Variants in OPA1 observed in about 807,000 individuals in gnomAD.
OPA1 encodes the protein dynamin-like GTPase OPA1, mitochondrial.
A neutral mutation model predicts 152.9 loss-of-function variants in OPA1; 59 were observed. The observed-to-expected ratio is 0.39, with a 90% confidence interval of 0.31 to 0.48. The LOEUF is 0.48. Ranked by LOEUF, OPA1 falls within the 20% of genes least tolerant of loss-of-function variation. The pLI is 0.96. For missense variants in OPA1, 1,008 were observed against 1,216.8 expected, an observed-to-expected ratio of 0.83 and a Z score of 2.55; for synonymous variants, 400 against 389.9, an observed-to-expected ratio of 1.03 and a Z score of -0.31.
At chr3:193,593,476 C>A in intron 1 of OPA1, 67 bp downstream of exon 1, 1 of 1,413,120 alleles carries the variant, frequency 7.1e-7, no homozygotes, top group Non-Finnish European at 9.4e-7. Context: ...TGTCTTATCT[C>A]TATCTCCAAA....
chr3:193,684,591 C>T lies in OPA1; in HGVS notation c.2984-7472C>T, dbSNP rs188347322. 4.4e-3 allele frequency among the ~76,000 whole-genome samples: 674 copies of T among 151,578 alleles called. 4 individuals are homozygous for T. Among genetic ancestry groups the T allele is most frequent in the African/African-American group, 0.016 (647 of 41,414 alleles). ...TCAGCCTCCCAGGTAGCTGGGATTA[C>T]AGGCGCCCGCCACTACGCCCGGCTA... On this transcript the variant is annotated intron_variant, in intron 29 of 30. Transcript: ENST00000361510.
intron 30 of OPA1, among the ~76,000 whole-genome samples, chr3:193,693,967 G>C (rs1553798135): frequency 6.6e-6 from 1 of 152,106 alleles, no homozygotes; most frequent in Non-Finnish European, 1.5e-5. Flanking sequence ...CGGAAGCCCC[G>C]TTAAAAAGAC....
rs1728753452 is a variant in OPA1 at position 193,614,728 on chromosome 3, T to C, written c.38T>C (p.Val13Ala). Residue 13 changes from valine to alanine, a missense_variant, in exon 2 of 31, where the codon GTC (valine) becomes GCC (alanine). Transcript: ENST00000361510. ...RLRRAAVACE[V>A]CQSLVKHSSG... The stretch of plus-strand genomic sequence containing the variant: ...CATATTCATTTTTCTTTCAGTGAGG[T>C]CTGCCAGTCTTTAGTGAAACACAGC... 6.2e-7 allele frequency: 1 copy of C among 1,612,400 alleles called. No homozygotes were observed. Among genetic ancestry groups the C allele is most frequent in the African/African-American group, 1.3e-5 (1 of 74,858 alleles).
At chr3:193,681,922 C>T (rs772394780) in intron 29 of OPA1, among the ~76,000 whole-genome samples, 2 of 152,130 alleles carry the variant, frequency 1.3e-5, no homozygotes, top group Admixed American at 6.5e-5. Flanking sequence ...TGAAATTTGG[C>T]CAGCTAATAA....
intron 8 of OPA1, among the ~76,000 whole-genome samples, chr3:193,633,017 GTT>G (rs1000864286): frequency 2.0e-5 from 3 of 152,314 alleles, no homozygotes; most frequent in African/African-American, 7.2e-5. Flanking sequence ...TCAGTAGTAT[GTT>G]TTGAGTCACA....
chr3:193,593,932 C>T (rs1311596347), intron 1 of OPA1, among the ~76,000 whole-genome samples: 5 of 152,078 alleles, frequency 3.3e-5, no homozygotes, highest in African/African-American at 4.8e-5. Flanking sequence ...TGATAGAAGT[C>T]AGAACTAGAG....
Position 193,614,943 on chromosome 3 carries a change from C to G in OPA1, c.253C>G (p.Arg85Gly), listed in dbSNP as rs372435892. The G allele has an allele frequency of 2.5e-6, 4 of 1,613,868 alleles. No individual in the cohort carries two copies. Among genetic ancestry groups the G allele is most frequent in the Non-Finnish European group, 3.4e-6 (4 of 1,179,802 alleles). Residue 85 changes from arginine to glycine, a missense_variant, in exon 2 of 31, where the codon CGC (arginine) becomes GGC (glycine). Arg to Gly is a moderately radical substitution (Grantham distance 125). This residue lies in a region of OPA1 where 408 missense variants were observed against 395.1 expected (regional missense o/e 1.03). Coordinates refer to ENST00000361510, the MANE Select transcript of OPA1 (RefSeq NM_130837.3). ...FSPIKYGYQP[R>G]RNFWPARLAT... ...TCCAATTAAATATGGCTACCAGCCTCGCAGGAATTTTTGGCCAGCAAGATT... is the reference window on the plus strand; with the variant it reads ...TCCAATTAAATATGGCTACCAGCCTGGCAGGAATTTTTGGCCAGCAAGATT...
intron 6 of OPA1, among the ~76,000 whole-genome samples, chr3:193,624,509 T>C (rs540246935): frequency 9.5e-4 from 145 of 152,290 alleles, no homozygotes; most frequent in African/African-American, 3.3e-3. Flanking sequence ...CAGGTTACTC[T>C]TCTTTCTGCT....
intron 29 of OPA1, among the ~76,000 whole-genome samples, chr3:193,678,287 AC>A (rs1186712920): frequency 6.6e-6 from 1 of 151,306 alleles, no homozygotes; most frequent in East Asian, 1.9e-4. Flanking sequence ...ACTGATCTTT[AC>A]CAAAGTACAC....
At chr3:193,687,537 A>T (rs2887066) in intron 29 of OPA1, among the ~76,000 whole-genome samples, 21,311 of 152,268 alleles carry the variant, frequency 0.14, 1,799 homozygotes, top group East Asian at 0.32. Flanking sequence ...AGTCATGCTG[A>T]TCCATACACG....
chr3:193,663,916 G>A lies in OPA1; in HGVS notation c.2661+954G>A, dbSNP rs144462468. ...TGTGGATTTAGGTTTTATTCTTGTT[G>A]GTCCCAGCTCTCGTTAACAATAAGT... On this transcript the variant is annotated intron_variant, in intron 26 of 30. Transcript: ENST00000361510. 3.2e-4 allele frequency among the ~76,000 whole-genome samples: 48 copies of A among 152,194 alleles called. No homozygotes were observed. The East Asian group carries it at 3.9e-3, about 12-fold the overall frequency.
intron 20 of OPA1, 136 bp downstream of exon 20, chr3:193,648,270 A>G: frequency 1.5e-6 from 1 of 668,372 alleles, no homozygotes; most frequent in East Asian, 2.8e-5. Context: ...GTAAGAATAC[A>G]TCTCTAGGAG....
At chr3:193,694,076 C>T (rs1481854718) in intron 30 of OPA1, among the ~76,000 whole-genome samples, 2 of 152,184 alleles carry the variant, frequency 1.3e-5, no homozygotes, top group African/African-American at 4.8e-5. Flanking sequence ...GTGTGACATC[C>T]AGAGTTGCTG....
intron 27 of OPA1, 137 bp from the exon 28 acceptor site, chr3:193,666,159 A>G (rs771509392): frequency 1.4e-6 from 1 of 736,808 alleles, no homozygotes; most frequent in Admixed American, 2.1e-5. Context: ...GCTTATATCT[A>G]CAGTATATGC....
At chr3:193,691,515 C>T (rs1721683574) in intron 29 of OPA1, 1 of 152,106 alleles carries the variant, frequency 6.6e-6, no homozygotes, top group African/African-American at 2.4e-5. Context: ...AAGCATCTCC[C>T]ACAGCTTCCT....
chr3:193,593,876 G>C lies in OPA1; in HGVS notation c.32+467G>C, dbSNP rs550294023. Among the ~76,000 whole-genome samples the C allele has an allele frequency of 4.6e-5, 7 of 151,910 alleles. No homozygotes were observed. The South Asian group carries it at 1.3e-3, about 27-fold the overall frequency. ...GTACATTGCATCTTCAGGTACCTGG[G>C]CTCTTCTATCGGGGAAAGGGGCGTC... On this transcript the variant is annotated intron_variant, in intron 1 of 30. Transcript: ENST00000361510.
intron 11 of OPA1, among the ~76,000 whole-genome samples, chr3:193,640,311 G>T (rs1271751458): frequency 6.6e-6 from 1 of 152,128 alleles, no homozygotes; most frequent in Admixed American, 6.6e-5. Flanking sequence ...ATGTGTGAAG[G>T]CCCAACCAGT....
rs1415332981 is a variant in OPA1 at position 193,643,132 on chromosome 3, T to C, written c.1305+83T>C. Reference sequence around the variant, plus strand: ...AAATAAATCAAAATCTAGGTATTGATGTTTAGATTGCTGCTATCTAGATAT... The same window carrying C: ...AAATAAATCAAAATCTAGGTATTGACGTTTAGATTGCTGCTATCTAGATAT... On this transcript the variant is annotated intron_variant, in intron 13 of 30. Coordinates refer to ENST00000361510, the MANE Select transcript of OPA1 (RefSeq NM_130837.3). 5.3e-6 allele frequency: 6 copies of C among 1,139,958 alleles called. 1 individual carries two copies. In the Admixed American group the frequency reaches 1.1e-4, roughly 21 times the overall value. The allele number at this position is 1,139,958 out of a possible 1,614,324, so 70.6% of individuals were successfully genotyped here.
At chr3:193,621,039 G>A (rs980278141) in intron 6 of OPA1, among the ~76,000 whole-genome samples, 3 of 152,198 alleles carry the variant, frequency 2.0e-5, no homozygotes, top group African/African-American at 7.2e-5. Flanking sequence ...TCAGTCTGAG[G>A]GCTGAAAGCC....
Sources: allele counts gnomAD v4.1 joint callset (sites outside exome capture counted in the v4.1 genomes callset), GRCh38; gene constraint gnomAD v4.1.1; regional missense constraint gnomAD v4.1.1; transcripts MANE v1.5; gene names NCBI Gene and HGNC (gene_info 2026-07-23, HGNC 2026-07-21).